STK32B: variants seen among roughly 807,000 people sequenced by gnomAD.
STK32B encodes the protein serine/threonine kinase 32B.
In STK32B, 43 loss-of-function variants were observed where a neutral mutation model predicts 52.6. The observed-to-expected ratio is 0.82, with a 90% CI of 0.64 to 1.05. STK32B has a LOEUF of 1.05. STK32B is among the 50% of genes least tolerant of loss of function. STK32B has a pLI of 0.00. For synonymous variants in STK32B, 238 were observed against 204.3 expected (o/e 1.17, Z -1.41); for missense variants, 621 against 534.6 (o/e 1.16, Z -1.59).
chr4:5,228,676 GTTAT>G (rs760275496), intron 3 of STK32B, among the ~76,000 whole-genome samples: 72 of 152,274 alleles, frequency 4.7e-4, no homozygotes, highest in Admixed American at 9.8e-4. Flanking sequence ...GCATATAAAA[GTTAT>G]GTTTAGGCCT....
At chr4:5,296,005 C>T (rs906462277) in intron 3 of STK32B, among the ~76,000 whole-genome samples, 4 of 151,984 alleles carry the variant, frequency 2.6e-5, no homozygotes, top group Non-Finnish European at 4.4e-5. Flanking sequence ...TTATTTCTGC[C>T]TTAATTTCGT....
At chr4:5,409,215 G>A (rs1737865700) in intron 5 of STK32B, among the ~76,000 whole-genome samples, 1 of 152,120 alleles carries the variant, frequency 6.6e-6, no homozygotes, top group Non-Finnish European at 1.5e-5. Context: ...CTGCAAGAGA[G>A]TTAGAAAATG....
chr4:5,249,490 CCTTCCTTCCTT>C (rs1199105813), intron 3 of STK32B, among the ~76,000 whole-genome samples: 7 of 142,320 alleles, frequency 4.9e-5, no homozygotes, highest in East Asian at 4.1e-4. Flanking sequence ...TTCCTTCCTT[CCTTCCTTCCTT>C]CCTCCCTCCC....
At chr4:5,390,740 T>A (rs1736545317) in intron 4 of STK32B, among the ~76,000 whole-genome samples, 1 of 152,016 alleles carries the variant, frequency 6.6e-6, no homozygotes, top group Non-Finnish European at 1.5e-5. Context: ...TCAACAGAAG[T>A]GTATTCTTTT....
intron 4 of STK32B, among the ~76,000 whole-genome samples, chr4:5,362,411 T>C (rs1388065427): frequency 1.3e-5 from 2 of 152,196 alleles, no homozygotes; most frequent in Non-Finnish European, 2.9e-5. Flanking sequence ...TGCATCACCA[T>C]CTCTCATTTG....
intron 7 of STK32B, among the ~76,000 whole-genome samples, chr4:5,449,569 A>G (rs1055423865): frequency 6.6e-6 from 1 of 152,134 alleles, no homozygotes; most frequent in Non-Finnish European, 1.5e-5. Flanking sequence ...GGGTTCTCCA[A>G]CCCCTGGGGC....
chr4:5,174,003 A>G (rs1286709551), intron 3 of STK32B, among the ~76,000 whole-genome samples: 3 of 152,174 alleles, frequency 2.0e-5, no homozygotes, highest in East Asian at 1.9e-4. Context: ...TTGGGTGCAT[A>G]TATATTTAGG....
intron 11 of STK32B, among the ~76,000 whole-genome samples, chr4:5,481,628 C>T (rs1340918615): frequency 6.6e-6 from 1 of 152,102 alleles, no homozygotes; most frequent in Non-Finnish European, 1.5e-5. Flanking sequence ...GTTGCCATTG[C>T]TTTTGGTGTT....
rs1033640873 is a variant in STK32B, at chr4:5,500,438, A to C, written c.*1355A>C. On this transcript the variant is annotated 3_prime_UTR_variant, in exon 12 of 12. Transcript: ENST00000282908. ...TCTTCCTTCACTCACCCAGCAGGTC[A>C]GTTTTCTGTGCAAACAAACCTGTTT... 3 of 152,192 alleles carry C rather than the reference A, an allele frequency of 2.0e-5. No homozygotes were observed. The highest frequency in any genetic ancestry group is 3.4e-3 in the Middle Eastern group (1 of 294). 9.4% of individuals were successfully genotyped at this position (152,192 alleles called of 1,614,324 possible).
At chr4:5,459,059 C>G (rs527243702) in intron 8 of STK32B, among the ~76,000 whole-genome samples, 1 of 152,228 alleles carries the variant, frequency 6.6e-6, no homozygotes, top group African/African-American at 2.4e-5. Flanking sequence ...CAGTGAACTT[C>G]CACATGGTAT....
chr4:5,469,822 C>T lies in STK32B; in HGVS notation c.1106+1752C>T, dbSNP rs975653459. Reference sequence around the variant, plus strand: ...ACTTGGGGAAGACGGGGGCTGATGTCGTGAGTGGTTTCGGAGCTTATCCCA... The same window carrying T: ...ACTTGGGGAAGACGGGGGCTGATGTTGTGAGTGGTTTCGGAGCTTATCCCA... On this transcript the variant is annotated intron_variant, in intron 11 of 11. Transcript: ENST00000282908. This position sits in a 1 kb window ranked among gnomAD's most constrained non-coding sequence, Gnocchi z 4.7. Among the ~76,000 whole-genome samples, 10 of 152,194 alleles carry T rather than the reference C, an allele frequency of 6.6e-5. No individual in the cohort carries two copies. The highest frequency in any genetic ancestry group is 2.4e-4 in the African/African-American group (10 of 41,452).
intron 6 of STK32B, among the ~76,000 whole-genome samples, chr4:5,428,590 T>C (rs568196416): frequency 3.7e-4 from 56 of 152,322 alleles, no homozygotes; most frequent in African/African-American, 1.3e-3. Context: ...TTGGTTAATA[T>C]TACATGCAAA....
At chr4:5,432,519 G>A (rs531847455) in intron 6 of STK32B, 2 of 152,210 alleles carry the variant, frequency 1.3e-5, no homozygotes, top group African/African-American at 2.4e-5. Context: ...ATTCCATGGT[G>A]AAATGTGGTC....
chr4:5,116,901 T>A (rs546222159), intron 1 of STK32B, among the ~76,000 whole-genome samples: 1 of 152,356 alleles, frequency 6.6e-6, no homozygotes, highest in South Asian at 2.1e-4. Flanking sequence ...TTATTTTTGA[T>A]GCTATTGTAA....
At chr4:5,079,028 A>T (rs1007201387) in intron 1 of STK32B, among the ~76,000 whole-genome samples, 1 of 152,244 alleles carries the variant, frequency 6.6e-6, no homozygotes, top group Non-Finnish European at 1.5e-5. Context: ...AAGCGTTCTC[A>T]TCACCCAGAG....
chr4:5,479,873 T>G (rs1406917515), intron 11 of STK32B, among the ~76,000 whole-genome samples: 2 of 152,204 alleles, frequency 1.3e-5, no homozygotes, highest in African/African-American at 4.8e-5. Flanking sequence ...GCGTTTCTTT[T>G]TTAACTACAG....
chr4:5,439,822 G>A lies in STK32B; in HGVS notation c.563-6851G>A, dbSNP rs1357992044. On this transcript the variant is annotated intron_variant, in intron 6 of 11. Coordinates refer to ENST00000282908, the MANE Select transcript of STK32B (RefSeq NM_018401.3). Reference sequence around the variant, plus strand: ...GATCCAGTTTCAGCTTTCTCCATATGGCTAGCCAGTTTTCCCAGCACCATT... The same window carrying A: ...GATCCAGTTTCAGCTTTCTCCATATAGCTAGCCAGTTTTCCCAGCACCATT... Among the ~76,000 whole-genome samples the A allele has an allele frequency of 5.3e-5, 8 of 151,636 alleles. No homozygotes were observed. The East Asian group carries it at 1.6e-3, about 29-fold the overall frequency.
At chr4:5,072,940 C>G (rs906992374) in intron 1 of STK32B, among the ~76,000 whole-genome samples, 4 of 152,064 alleles carry the variant, frequency 2.6e-5, no homozygotes, top group Non-Finnish European at 5.9e-5. Context: ...TGAATTGACC[C>G]TTTATCATTA....
intron 1 of STK32B, among the ~76,000 whole-genome samples, chr4:5,056,401 A>G (rs554343601): frequency 1.8e-4 from 27 of 152,330 alleles, no homozygotes; most frequent in Non-Finnish European, 2.9e-4. Context: ...CTGTATCCTT[A>G]AGGCCTAAAA....
Sources: gnomAD v4.1 joint callset for allele counts (sites outside exome capture counted in the v4.1 genomes callset) on GRCh38, gnomAD v4.1.1 for gene constraint, Gnocchi (gnomAD v3.1) non-coding constraint, MANE v1.5 for transcripts, NCBI Gene and HGNC (gene_info 2026-07-23, HGNC 2026-07-21) for gene names.